The following PCBP1 variants were observed in gnomAD, a reference collection of about 807,000 sequenced individuals.
The protein encoded by PCBP1 is poly(rC) binding protein 1.
For synonymous variants in PCBP1, 284 were observed against 195.8 expected, an observed-to-expected ratio of 1.45 and a Z score of -3.76; for missense variants, 244 against 474.4, an observed-to-expected ratio of 0.51 and a Z score of 4.51.
Position 70,087,558 on chromosome 2 carries a change from C to T in PCBP1, c.-186C>T, listed in dbSNP as rs1671345742. 1 of 164,680 alleles carries T rather than the reference C, an allele frequency of 6.1e-6. No individual in the cohort carries two copies. Among genetic ancestry groups the T allele is most frequent in the Non-Finnish European group, 1.3e-5 (1 of 77,892 alleles). The allele number at this position is 164,680 out of a possible 1,614,324, so 10.2% of individuals were successfully genotyped here. On this transcript the variant is annotated 5_prime_UTR_variant, in exon 1 of 1. Coordinates refer to ENST00000303577, the MANE Select transcript of PCBP1 (RefSeq NM_006196.4). ...CCCGCCGCTCCCGGCCCCGCTCGCC[C>T]CCTCCGCCGCCGCCGCCCGCCCCTG...
chr2:70,088,313 C>T lies in PCBP1; in HGVS notation c.570C>T (p.Ser190=). ...CGTACCAGCCCATGCCGGCCAGCTCCCCAGTCATCTGCGCGGGCGGCCAAG... is the reference window on the plus strand; with the variant it reads ...CGTACCAGCCCATGCCGGCCAGCTCTCCAGTCATCTGCGCGGGCGGCCAAG... ...TIPYQPMPAS[S]PVICAGGQDR... is the part of the protein sequence containing the mutation. Residue 190 remains serine (S), a synonymous_variant, in exon 1 of 1, where the codon TCC becomes TCT. Transcript: ENST00000303577. This position sits in a 1 kb window ranked among gnomAD's most constrained non-coding sequence, Gnocchi z 4.5. 2 of 1,613,872 alleles carry T rather than the reference C, an allele frequency of 1.2e-6. No homozygotes were observed. The highest frequency in any genetic ancestry group is 1.3e-5 in the African/African-American group (1 of 75,054).
Position 70,088,808 on chromosome 2 carries a change from C to T in PCBP1, c.1065C>T (p.Cys355=), listed in dbSNP as rs1204213182. 4 of 1,608,276 alleles carry T rather than the reference C, an allele frequency of 2.5e-6. No homozygotes were observed. In the East Asian group the frequency reaches 8.9e-5, roughly 36 times the overall value. ...TTTCCTCTGAGAAGGGCATGGGGTG[C>T]AGCTAGAACAGTGTAGGTTCCCTCA... ...ARLSSEKGMG[C]S The change falls in exon 1 of 1, where the codon TGC becomes TGT. Residue 355 remains cysteine (C), a synonymous_variant. Transcript: ENST00000303577. The surrounding 1 kb of genome is among the most constrained non-coding windows in gnomAD (Gnocchi z 4.5).
Position 70,087,715 on chromosome 2 carries a change from A to C in PCBP1, c.-29A>C, listed in dbSNP as rs776976460. On this transcript the variant is annotated 5_prime_UTR_variant, in exon 1 of 1. Coordinates refer to ENST00000303577, the MANE Select transcript of PCBP1 (RefSeq NM_006196.4). ...AAGACTTGACCACGTAACGAGCCCA[A>C]CTCCCCCGAACGCCGCCCGCCGCTC... The C allele has an allele frequency of 1.4e-6, 2 of 1,451,518 alleles. No homozygotes were observed. The highest frequency in any genetic ancestry group is 1.9e-6 in the Non-Finnish European group (2 of 1,068,286). 89.9% of individuals were successfully genotyped at this position (1,451,518 alleles called of 1,614,324 possible). A position where few individuals can be genotyped will look rare whatever the true frequency, so the allele number is the denominator to read the frequency against.
rs1460640524 is a variant in PCBP1 at position 70,088,419 on chromosome 2, G to A, written c.676G>A (p.Gly226Arg). 4 of 1,614,160 alleles carry A rather than the reference G, an allele frequency of 2.5e-6. No homozygotes were observed. Among genetic ancestry groups the A allele is most frequent in the Admixed American group, 1.7e-5 (1 of 60,028 alleles). ...GPPLDAYSIQGQHTISPLDLA... is the reference protein window; with the variant it reads ...GPPLDAYSIQRQHTISPLDLA... ...ACCTCTAGATGCCTACTCGATTCAA[G>A]GACAACACACCATTTCTCCGCTCGA... The change falls in exon 1 of 1, where the codon GGA becomes AGA. Residue 226 changes from glycine to arginine, a missense_variant. Coordinates refer to ENST00000303577, the MANE Select transcript of PCBP1 (RefSeq NM_006196.4). This position sits in a 1 kb window ranked among gnomAD's most constrained non-coding sequence, Gnocchi z 4.5.
Position 70,087,626 on chromosome 2 carries a change from G to C in PCBP1, c.-118G>C, listed in dbSNP as rs528717582. On this transcript the variant is annotated 5_prime_UTR_variant, in exon 1 of 1. Coordinates refer to ENST00000303577, the MANE Select transcript of PCBP1 (RefSeq NM_006196.4). ...CCCGCCCGCTCCCGCTCGCTCCCGC[G>C]GCCCTCGCTCGCCTCGCGCCGGCAG... 4.0e-5 allele frequency: 22 copies of C among 548,116 alleles called. No homozygotes were observed. The East Asian group carries it at 4.2e-4, about 11-fold the overall frequency. The allele number at this position is 548,116 out of a possible 1,614,324, so 34.0% of individuals were successfully genotyped here.
rs754477252 is a variant in PCBP1, at chr2:70,087,705, A to G, written c.-39A>G. The stretch of plus-strand genomic sequence containing the variant: ...CCAGCCGCCAAAGACTTGACCACGT[A>G]ACGAGCCCAACTCCCCCGAACGCCG... On this transcript the variant is annotated 5_prime_UTR_variant, in exon 1 of 1. Coordinates refer to ENST00000303577, the MANE Select transcript of PCBP1 (RefSeq NM_006196.4). The G allele has an allele frequency of 7.3e-7, 1 of 1,370,408 alleles. No homozygotes were observed. Among genetic ancestry groups the G allele is most frequent in the Non-Finnish European group, 1.0e-6 (1 of 997,836 alleles). The allele number at this position is 1,370,408 out of a possible 1,614,324, so 84.9% of individuals were successfully genotyped here. A position where few individuals can be genotyped will look rare whatever the true frequency, so the allele number is the denominator to read the frequency against.
Position 70,088,079 on chromosome 2 carries a change from G to C in PCBP1, c.336G>C (p.Leu112=). Residue 112 remains leucine, a synonymous_variant, in exon 1 of 1, where the codon CTG becomes CTC. Transcript: ENST00000303577. This position sits in a 1 kb window ranked among gnomAD's most constrained non-coding sequence, Gnocchi z 4.5. ...LVVPATQCGS[L]IGKGGCKIKE... is the part of the protein sequence containing the mutation. Reference sequence around the variant, plus strand: ...TGCCGGCCACCCAGTGCGGCTCCCTGATTGGGAAAGGCGGGTGTAAGATCA... The same window carrying C: ...TGCCGGCCACCCAGTGCGGCTCCCTCATTGGGAAAGGCGGGTGTAAGATCA... 1.2e-6 allele frequency: 2 copies of C among 1,613,728 alleles called. No homozygotes were observed. Among genetic ancestry groups the C allele is most frequent in the Non-Finnish European group, 1.7e-6 (2 of 1,179,994 alleles).
rs758147480 is a variant in PCBP1 at position 70,088,571 on chromosome 2, A to G, written c.828A>G (p.Ala276=). 1.9e-6 allele frequency: 3 copies of G among 1,614,260 alleles called. No individual in the cohort carries two copies. Among genetic ancestry groups the G allele is most frequent in the East Asian group, 2.2e-5 (1 of 44,888 alleles). ...EVKGYWASLD[A]STQTTHELTI... Reference sequence around the variant, plus strand: ...AAGGCTATTGGGCAAGTTTGGATGCATCTACTCAAACCACCCATGAACTCA... The same window carrying G: ...AAGGCTATTGGGCAAGTTTGGATGCGTCTACTCAAACCACCCATGAACTCA... Residue 276 remains alanine, a synonymous_variant, in exon 1 of 1, where the codon GCA becomes GCG. Coordinates refer to ENST00000303577, the MANE Select transcript of PCBP1 (RefSeq NM_006196.4). This position sits in a 1 kb window ranked among gnomAD's most constrained non-coding sequence, Gnocchi z 4.5.
chr2:70,087,899 G>A lies in PCBP1; in HGVS notation c.156G>A (p.Gly52=). 2 of 1,612,262 alleles carry A rather than the reference G, an allele frequency of 1.2e-6. No individual in the cohort carries two copies. Among genetic ancestry groups the A allele is most frequent in the Non-Finnish European group, 1.7e-6 (2 of 1,178,692 alleles). Reference sequence around the variant, plus strand: ...GCGCGCGGATCAACATCTCGGAGGGGAATTGTCCGGAGAGAATCATCACTC... The same window carrying A: ...GCGCGCGGATCAACATCTCGGAGGGAAATTGTCCGGAGAGAATCATCACTC... ...ESGARINISE[G]NCPERIITLT... is the part of the protein sequence containing the mutation. Residue 52 remains glycine, a synonymous_variant, in exon 1 of 1, where the codon GGG becomes GGA. Coordinates refer to ENST00000303577, the MANE Select transcript of PCBP1 (RefSeq NM_006196.4).
Position 70,088,679 on chromosome 2 carries a change from G to A in PCBP1, c.936G>A (p.Gln312=), listed in dbSNP as rs1346732223. The A allele has an allele frequency of 1.4e-5, 23 of 1,614,146 alleles. No homozygotes were observed. Among genetic ancestry groups the A allele is most frequent in the Non-Finnish European group, 1.9e-5 (22 of 1,180,060 alleles). The part of the protein sequence containing the change: ...INEIRQMSGA[Q]IKIANPVEGS... ...AGATCCGCCAGATGTCCGGGGCCCA[G>A]ATCAAAATTGCCAACCCAGTGGAAG... Residue 312 remains glutamine, a synonymous_variant, in exon 1 of 1, where the codon CAG becomes CAA. Coordinates refer to ENST00000303577, the MANE Select transcript of PCBP1 (RefSeq NM_006196.4). This position sits in a 1 kb window ranked among gnomAD's most constrained non-coding sequence, Gnocchi z 4.5.
chr2:70,088,884 A>AGT lies in PCBP1; in HGVS notation c.*72_*73dup. 1 of 1,099,180 alleles carries AGT rather than the reference A, an allele frequency of 9.1e-7. No individual in the cohort carries two copies. The highest frequency in any genetic ancestry group is 2.4e-5 in the East Asian group (1 of 40,850). 68.1% of individuals were successfully genotyped at this position (1,099,180 alleles called of 1,614,324 possible). On this transcript the variant is annotated 3_prime_UTR_variant, in exon 1 of 1. Coordinates refer to ENST00000303577, the MANE Select transcript of PCBP1 (RefSeq NM_006196.4). The surrounding 1 kb of genome is among the most constrained non-coding windows in gnomAD (Gnocchi z 4.5). ...TGATCCAACTGTGTAATTTCTGGTCAGTGATTCCAGGTTTTAAATAATTTG... is the reference window on the plus strand; with the variant it reads ...TGATCCAACTGTGTAATTTCTGGTCAGTGTGATTCCAGGTTTTAAATAATTTG...
rs141818899 is a variant in PCBP1 at position 70,087,836 on chromosome 2, G to A, written c.93G>A (p.Lys31=). Residue 31 remains lysine, a synonymous_variant, in exon 1 of 1, where the codon AAG becomes AAA. Coordinates refer to ENST00000303577, the MANE Select transcript of PCBP1 (RefSeq NM_006196.4). ...HGKEVGSIIG[K]KGESVKRIRE... is the part of the protein sequence containing the mutation. The stretch of plus-strand genomic sequence containing the variant: ...AGGAAGTAGGAAGCATCATTGGGAA[G>A]AAAGGGGAGTCGGTTAAGAGGATCC... 6.2e-7 allele frequency: 1 copy of A among 1,611,246 alleles called. No homozygotes were observed. Among genetic ancestry groups the A allele is most frequent in the African/African-American group, 1.3e-5 (1 of 74,870 alleles).
At position 70,087,959 on chromosome 2, in the gene PCBP1, C is replaced by T. The variant is rs1418522174; in HGVS notation, c.216C>T (p.Phe72=). 1 of 1,613,856 alleles carries T rather than the reference C, an allele frequency of 6.2e-7. No homozygotes were observed. The highest frequency in any genetic ancestry group is 1.1e-5 in the South Asian group (1 of 91,076). Residue 72 remains phenylalanine, a synonymous_variant, in exon 1 of 1, where the codon TTC becomes TTT. Transcript: ENST00000303577. ...TGPTNAIFKA[F]AMIIDKLEED... ...CCACCAATGCCATCTTTAAGGCTTT[C>T]GCTATGATCATCGACAAGCTGGAGG...
At position 70,089,120 on chromosome 2, in the gene PCBP1, G is replaced by T; in HGVS notation, c.*306G>T. 1 of 293,562 alleles carries T rather than the reference G, an allele frequency of 3.4e-6. No individual in the cohort carries two copies. Among genetic ancestry groups the T allele is most frequent in the Non-Finnish European group, 6.7e-6 (1 of 149,020 alleles). 18.2% of individuals were successfully genotyped at this position (293,562 alleles called of 1,614,324 possible). A position where few individuals can be genotyped will look rare whatever the true frequency, so the allele number is the denominator to read the frequency against. On this transcript the variant is annotated 3_prime_UTR_variant, in exon 1 of 1. Transcript: ENST00000303577. ...TGTTAATAAATTTCAGTTTAGTTCT[G>T]TAATGTCAAGAATTTAAGAATTAAA...
rs766100633 is a variant in PCBP1, at chr2:70,087,827, C to T, written c.84C>T (p.Ile28=). 6 of 1,609,696 alleles carry T rather than the reference C, an allele frequency of 3.7e-6. No individual in the cohort carries two copies. Among genetic ancestry groups the T allele is most frequent in the South Asian group, 3.3e-5 (3 of 90,644 alleles). The change falls in exon 1 of 1, where the codon ATC becomes ATT. Residue 28 remains isoleucine, a synonymous_variant. Transcript: ENST00000303577. ...TGCACGGAAAGGAAGTAGGAAGCAT[C>T]ATTGGGAAGAAAGGGGAGTCGGTTA... The part of the protein sequence containing the change: ...LLMHGKEVGS[I]IGKKGESVKR...
Position 70,088,832 on chromosome 2 carries a change from C to T in PCBP1, c.*18C>T. The T allele has an allele frequency of 6.5e-7, 1 of 1,541,988 alleles. No individual in the cohort carries two copies. The highest frequency in any genetic ancestry group is 1.8e-5 in the Admixed American group (1 of 55,278). On this transcript the variant is annotated 3_prime_UTR_variant, in exon 1 of 1. Coordinates refer to ENST00000303577, the MANE Select transcript of PCBP1 (RefSeq NM_006196.4). This position sits in a 1 kb window ranked among gnomAD's most constrained non-coding sequence, Gnocchi z 4.5. ...GCAGCTAGAACAGTGTAGGTTCCCT[C>T]AATAACCCCTTTCTGCTGTTCTCCC...
chr2:70,087,579 C>G lies in PCBP1; in HGVS notation c.-165C>G, dbSNP rs1326586183. The G allele has an allele frequency of 1.1e-5, 3 of 265,648 alleles. No individual in the cohort carries two copies. The highest frequency in any genetic ancestry group is 2.3e-5 in the African/African-American group (1 of 43,712). 16.5% of individuals were successfully genotyped at this position (265,648 alleles called of 1,614,324 possible). A position where few individuals can be genotyped will look rare whatever the true frequency, so the allele number is the denominator to read the frequency against. ...CGCCCCCTCCGCCGCCGCCGCCCGC[C>G]CCTGCGACTACGCTGCGGCCTCCCG... is the stretch of plus-strand genomic sequence containing the variant. On this transcript the variant is annotated 5_prime_UTR_variant, in exon 1 of 1. Transcript: ENST00000303577.
At position 70,088,005 on chromosome 2, in the gene PCBP1, A is replaced by C. The variant is rs1180188717; in HGVS notation, c.262A>C (p.Thr88Pro). ...GGAGGAAGATATCAACAGCTCCATG[A>C]CCAACAGTACCGCGGCCAGCAGGCC... ...KLEEDINSSM[T>P]NSTAASRPPV... The change falls in exon 1 of 1, where the codon ACC becomes CCC. Residue 88 changes from threonine to proline, a missense_variant. Physicochemically the swap from Thr to Pro is conservative, Grantham distance 38. Transcript: ENST00000303577. The surrounding 1 kb of genome is among the most constrained non-coding windows in gnomAD (Gnocchi z 4.5). The C allele has an allele frequency of 1.9e-6, 3 of 1,613,608 alleles. No homozygotes were observed. Among genetic ancestry groups the C allele is most frequent in the Non-Finnish European group, 2.5e-6 (3 of 1,179,998 alleles).
rs200889896 is a variant in PCBP1, at chr2:70,088,796, G to A, written c.1053G>A (p.Lys351=). The change falls in exon 1 of 1, where the codon AAG becomes AAA. Residue 351 remains lysine (K), a synonymous_variant. Transcript: ENST00000303577. The surrounding 1 kb of genome is among the most constrained non-coding windows in gnomAD (Gnocchi z 4.5). ...YLINARLSSE[K]GMGCS ...TCAATGCCAGGCTTTCCTCTGAGAA[G>A]GGCATGGGGTGCAGCTAGAACAGTG... is the stretch of plus-strand genomic sequence containing the variant. The A allele has an allele frequency of 1.6e-5, 25 of 1,612,654 alleles. No homozygotes were observed. The highest frequency in any genetic ancestry group is 8.5e-7 in the Non-Finnish European group (1 of 1,179,400).
Sources: allele counts gnomAD v4.1 joint callset, GRCh38; gene constraint gnomAD v4.1.1; non-coding constraint Gnocchi (gnomAD v3.1); transcripts MANE v1.5; gene names NCBI Gene and HGNC (gene_info 2026-07-23, HGNC 2026-07-21).